The following CNTN4 variants were observed in gnomAD, a reference collection of about 807,000 sequenced individuals.
The protein encoded by CNTN4 is contactin-4.
A neutral mutation model predicts 122.5 loss-of-function variants in CNTN4; 77 were observed. The ratio of observed to expected loss-of-function variants is 0.63; its 90% CI spans 0.52 to 0.76. CNTN4 has a LOEUF of 0.76. Ranked by LOEUF, CNTN4 falls within the 30% of genes least tolerant of loss-of-function variation. CNTN4 has a pLI of 0.00. For synonymous variants in CNTN4, 512 were observed against 447.0 expected, an observed-to-expected ratio of 1.15 and a Z score of -1.83; for missense variants, 1,256 against 1,259.1, an observed-to-expected ratio of 1.00 and a Z score of 0.04.
chr3:2,863,444 C>CTTTTTTTTTTTTTTTTTTT (rs5846228), intron 7 of CNTN4, among the ~76,000 whole-genome samples: 3 of 92,368 alleles, frequency 3.2e-5, no homozygotes, highest in Non-Finnish European at 6.2e-5. Flanking sequence ...ATGGTTTCTT[C>CTTTTTTTTTTTTTTTTTTT]TTTTTTTTTT....
At chr3:2,154,600 A>C (rs1181947727) in intron 2 of CNTN4, among the ~76,000 whole-genome samples, 1 of 152,218 alleles carries the variant, frequency 6.6e-6, no homozygotes, top group Admixed American at 6.5e-5. Flanking sequence ...TTAAACAACA[A>C]CAGCAAAACA....
intron 11 of CNTN4, among the ~76,000 whole-genome samples, chr3:2,901,840 T>TA (rs2094177545): frequency 6.6e-6 from 1 of 152,034 alleles, no homozygotes; most frequent in Non-Finnish European, 1.5e-5. Context: ...TAGGTGGGGG[T>TA]ACAGAGGCAA....
rs188508912 is a variant in CNTN4, at chr3:2,658,938, C to T, written c.56-77277C>T. Among the ~76,000 whole-genome samples the T allele has an allele frequency of 8.3e-4, 121 of 146,406 alleles. No homozygotes were observed. The South Asian group carries it at 0.017, about 21-fold the overall frequency. On this transcript the variant is annotated intron_variant, in intron 4 of 24. Coordinates refer to ENST00000418658, the MANE Select transcript of CNTN4 (RefSeq NM_175607.3). ...ACTTGCATTTTTTTATGTGGACATG[C>T]AAATAACACACCCACACACACAAAC...
chr3:2,808,750 C>T (rs959922080), intron 6 of CNTN4, among the ~76,000 whole-genome samples: 2 of 151,860 alleles, frequency 1.3e-5, no homozygotes, highest in South Asian at 2.1e-4. Flanking sequence ...TTTAATTTAT[C>T]TCTTAGCTTT....
At chr3:2,232,145 G>A (rs947286893) in intron 2 of CNTN4, among the ~76,000 whole-genome samples, 3 of 152,032 alleles carry the variant, frequency 2.0e-5, no homozygotes, top group African/African-American at 4.8e-5. Context: ...CATCATCATC[G>A]TCATCCAATA....
At chr3:3,009,673 T>TCCGC (rs1189569923) in intron 14 of CNTN4, among the ~76,000 whole-genome samples, 22 of 152,248 alleles carry the variant, frequency 1.4e-4, no homozygotes, top group South Asian at 6.2e-4. Context: ...GACCTCGTGA[T>TCCGC]CTGCCCTCCT....
chr3:2,136,943 A>G (rs551612432), intron 2 of CNTN4, among the ~76,000 whole-genome samples: 1 of 152,334 alleles, frequency 6.6e-6, no homozygotes, highest in South Asian at 2.1e-4. Context: ...TGATTGCTGA[A>G]ATGCAAAACA....
Position 2,340,928 on chromosome 3 carries a change from C to T in CNTN4, c.-89+1695C>T, listed in dbSNP as rs149677697. Among the ~76,000 whole-genome samples, 74 of 151,808 alleles carry T rather than the reference C, an allele frequency of 4.9e-4. No homozygotes were observed. The East Asian group carries it at 0.014, about 28-fold the overall frequency. On this transcript the variant is annotated intron_variant, in intron 3 of 24. Coordinates refer to ENST00000418658, the MANE Select transcript of CNTN4 (RefSeq NM_175607.3). ...CTTGGGTCTTCTGATCTGGAACAGACTCTGCAGTATTGACTGGGTATGCTC... is the reference window on the plus strand; with the variant it reads ...CTTGGGTCTTCTGATCTGGAACAGATTCTGCAGTATTGACTGGGTATGCTC...
At chr3:2,308,824 A>G (rs75240095) in intron 2 of CNTN4, among the ~76,000 whole-genome samples, 3,598 of 152,126 alleles carry the variant, frequency 0.024, 136 homozygotes, top group African/African-American at 0.082. Context: ...AAAACCGTTA[A>G]TATTTCAATA....
chr3:3,003,677 G>A (rs1303346132), intron 14 of CNTN4, among the ~76,000 whole-genome samples: 40 of 112,450 alleles, frequency 3.6e-4, no homozygotes, highest in Admixed American at 2.4e-3. Context: ...AGTAGTCATG[G>A]TTGCACCAAA....
intron 13 of CNTN4, among the ~76,000 whole-genome samples, chr3:2,948,066 G>A (rs1298824481): frequency 1.3e-5 from 2 of 152,110 alleles, no homozygotes; most frequent in African/African-American, 2.4e-5. Context: ...GTGAATGAGT[G>A]TCCAATTAAA....
intron 2 of CNTN4, among the ~76,000 whole-genome samples, chr3:2,137,843 A>G (rs770553584): frequency 6.6e-6 from 1 of 152,152 alleles, no homozygotes; most frequent in South Asian, 2.1e-4. Context: ...CCCCACCCCT[A>G]CTGCATCTGA....
chr3:2,934,562 G>C (rs574636626), intron 13 of CNTN4, among the ~76,000 whole-genome samples: 1 of 152,362 alleles, frequency 6.6e-6, no homozygotes, highest in African/African-American at 2.4e-5. Context: ...CCAGAAGGCC[G>C]ATGGAATCCT....
chr3:2,189,734 C>A (rs1470146203), intron 2 of CNTN4, among the ~76,000 whole-genome samples: 3 of 103,608 alleles, frequency 2.9e-5, no homozygotes, highest in African/African-American at 9.5e-5. Context: ...GTGTCCATTC[C>A]TATGTTATTC....
intron 2 of CNTN4, among the ~76,000 whole-genome samples, chr3:2,134,026 G>A (rs999870354): frequency 1.3e-5 from 2 of 151,994 alleles, no homozygotes; most frequent in Admixed American, 6.6e-5. Context: ...TTAAAAAATT[G>A]ACCTAATCTG....
intron 3 of CNTN4, among the ~76,000 whole-genome samples, chr3:2,563,703 G>A (rs886471783): frequency 1.3e-5 from 2 of 152,070 alleles, no homozygotes; most frequent in African/African-American, 4.8e-5. Flanking sequence ...TAGAAGACTA[G>A]AACCATTCAT....
At chr3:2,423,501 T>C (rs1363161766) in intron 3 of CNTN4, among the ~76,000 whole-genome samples, 2 of 150,264 alleles carry the variant, frequency 1.3e-5, no homozygotes, top group Admixed American at 1.3e-4. Flanking sequence ...TTTTTTCAAA[T>C]GTGCCTCTGT....
intron 3 of CNTN4, among the ~76,000 whole-genome samples, chr3:2,490,450 G>C (rs1274186324): frequency 6.6e-6 from 1 of 152,130 alleles, no homozygotes; most frequent in African/African-American, 2.4e-5. Context: ...AGAGTTTTTA[G>C]TGGCCTACCA....
rs560921094 is a variant in CNTN4 at position 2,170,080 on chromosome 3, G to C, written c.-145+69441G>C. On this transcript the variant is annotated intron_variant, in intron 2 of 24. Transcript: ENST00000418658. ...CTCACGCCTGTAATCCCAGCACTTT[G>C]GGAGGCCGAGGCGGGAGGATCACAA... Among the ~76,000 whole-genome samples, 166 of 152,132 alleles carry C rather than the reference G, an allele frequency of 1.1e-3. 1 individual carries two copies. The highest frequency in any genetic ancestry group is 3.9e-3 in the African/African-American group (160 of 41,534).
Sources: allele counts gnomAD v4.1 joint callset (sites outside exome capture counted in the v4.1 genomes callset), GRCh38; gene constraint gnomAD v4.1.1; transcripts MANE v1.5; gene names NCBI Gene and HGNC (gene_info 2026-07-23, HGNC 2026-07-21).